NR3C2: variants seen among roughly 807,000 people sequenced by gnomAD.
NR3C2 encodes nuclear receptor subfamily 3 group C member 2.
In NR3C2, 15 loss-of-function variants were observed where a neutral mutation model predicts 86.4. The ratio of observed to expected loss-of-function variants is 0.17; its 90% CI spans 0.12 to 0.27. The LOEUF is 0.27. Among genes scored for constraint, NR3C2 ranks in the 10% least tolerant of loss-of-function variants. NR3C2 has a pLI of 1.00. For synonymous variants in NR3C2, 458 were observed against 450.5 expected (o/e 1.02, Z -0.21); for missense variants, 960 against 1,195.6 (o/e 0.80, Z 2.91).
intron 2 of NR3C2, among the ~76,000 whole-genome samples, chr4:148,343,214 T>C (rs1380043872): frequency 6.6e-6 from 1 of 152,202 alleles, no homozygotes; most frequent in Non-Finnish European, 1.5e-5. Context: ...CAAAAACTGA[T>C]GGCCTCATGA....
intron 2 of NR3C2, among the ~76,000 whole-genome samples, chr4:148,313,924 C>CCT (rs1743032319): frequency 3.9e-5 from 6 of 152,148 alleles, no homozygotes; most frequent in Admixed American, 3.9e-4. Context: ...GTTAATATAA[C>CCT]CTATGCATTA....
intron 2 of NR3C2, among the ~76,000 whole-genome samples, chr4:148,286,171 T>C (rs777321389): frequency 1.1e-4 from 17 of 152,322 alleles, no homozygotes; most frequent in Admixed American, 2.0e-4. Context: ...TATAAACTTC[T>C]CTGGCAGTTA....
intron 3 of NR3C2, chr4:148,208,453 G>A (rs1363738533): frequency 6.6e-6 from 1 of 152,220 alleles, no homozygotes; most frequent in Non-Finnish European, 1.5e-5. Flanking sequence ...AATAGGTTTT[G>A]TGCCTCATTC....
chr4:148,259,151 C>T (rs1014165914), intron 3 of NR3C2, among the ~76,000 whole-genome samples: 5 of 152,180 alleles, frequency 3.3e-5, no homozygotes, highest in African/African-American at 1.2e-4. Context: ...AAGAAAACTT[C>T]TCTGAGAAAT....
intron 2 of NR3C2, among the ~76,000 whole-genome samples, chr4:148,424,156 G>A (rs1048080361): frequency 2.0e-5 from 3 of 152,204 alleles, no homozygotes; most frequent in African/African-American, 7.2e-5. Context: ...AGGCATGAAA[G>A]GGAGGCATAT....
In NR3C2 at chr4:148,092,192, G is replaced by T. The variant is rs188210463; in HGVS notation, c.2800-10693C>A. Among the ~76,000 whole-genome samples the T allele has an allele frequency of 5.9e-4, 90 of 152,272 alleles. No homozygotes were observed. The East Asian group carries it at 0.017, about 28-fold the overall frequency. On this transcript the variant is annotated intron_variant, in intron 8 of 8. Coordinates refer to ENST00000358102, the MANE Select transcript of NR3C2 (RefSeq NM_000901.5). ...CACCTCTTCCCCGCAGGCCTTCCTG[G>T]GGCCCAGCCTGAAGGAGTTCTTTCT...
intron 8 of NR3C2, among the ~76,000 whole-genome samples, chr4:148,094,726 A>C (rs7668604): frequency 0.27 from 41,384 of 150,558 alleles, 7,874 homozygotes; most frequent in African/African-American, 0.55. Flanking sequence ...AAAAAAAAAA[A>C]CAAAAAAAAC....
intron 6 of NR3C2, among the ~76,000 whole-genome samples, chr4:148,141,642 C>T (rs1336976649): frequency 6.6e-6 from 1 of 152,170 alleles, no homozygotes; most frequent in East Asian, 1.9e-4. Flanking sequence ...GACTGTATTA[C>T]AGTCCATGGC....
Position 148,101,685 on chromosome 4 carries a change from A to T in NR3C2, c.2799+12419T>A, listed in dbSNP as rs371303737. ...CTGGAATAGAGTTTCGGGATTATTTACAAAGATAGGCTTGTTAAGCTGATG... is the reference window on the plus strand; with the variant it reads ...CTGGAATAGAGTTTCGGGATTATTTTCAAAGATAGGCTTGTTAAGCTGATG... On this transcript the variant is annotated intron_variant, in intron 8 of 8. Transcript: ENST00000358102. Among the ~76,000 whole-genome samples the T allele has an allele frequency of 1.5e-3, 226 of 152,372 alleles. 8 individuals are homozygous for T. In the South Asian group the frequency reaches 0.045, roughly 30 times the overall value.
intron 3 of NR3C2, among the ~76,000 whole-genome samples, chr4:148,242,600 C>T (rs11945778): frequency 0.38 from 57,701 of 151,992 alleles, 11,260 homozygotes; most frequent in Admixed American, 0.49. Flanking sequence ...TCATATAATT[C>T]CCTGCTATGC....
intron 2 of NR3C2, among the ~76,000 whole-genome samples, chr4:148,350,027 T>C (rs1745194327): frequency 6.6e-6 from 1 of 152,232 alleles, no homozygotes; most frequent in African/African-American, 2.4e-5. Context: ...TGAAAGTACC[T>C]TATTATAAAT....
At chr4:148,306,620 C>T (rs908699866) in intron 2 of NR3C2, among the ~76,000 whole-genome samples, 1 of 152,116 alleles carries the variant, frequency 6.6e-6, no homozygotes, top group Non-Finnish European at 1.5e-5. Context: ...ACTCATTCTT[C>T]AATAATGTTT....
intron 6 of NR3C2, among the ~76,000 whole-genome samples, chr4:148,133,388 T>A (rs891922026): frequency 7.9e-5 from 12 of 152,150 alleles, no homozygotes; most frequent in African/African-American, 2.7e-4. Context: ...ATTTTGGGTA[T>A]AAACGTAAAG....
At chr4:148,420,372 G>C (rs980270025) in intron 2 of NR3C2, among the ~76,000 whole-genome samples, 1 of 152,052 alleles carries the variant, frequency 6.6e-6, no homozygotes, top group Non-Finnish European at 1.5e-5. Context: ...AATATGAGAC[G>C]GGTCCTTGTG....
At chr4:148,166,939 T>C (rs1051152386) in intron 4 of NR3C2, among the ~76,000 whole-genome samples, 3 of 152,126 alleles carry the variant, frequency 2.0e-5, no homozygotes, top group Admixed American at 2.0e-4. Context: ...CACATTTAAA[T>C]TGCTATTAAT....
At position 148,079,523 on chromosome 4, in the gene NR3C2, TA is replaced by T. The variant is rs1456899073; in HGVS notation, c.*1820del. On this transcript the variant is annotated 3_prime_UTR_variant, in exon 9 of 9. Transcript: ENST00000358102. ...AAATAATTAATATGATTTCACTGAG[TA>T]AACCTGATGATTATCATCATTTTTA... 1 of 152,660 alleles carries T rather than the reference TA, an allele frequency of 6.6e-6. No individual in the cohort carries two copies. Among genetic ancestry groups the T allele is most frequent in the East Asian group, 1.9e-4 (1 of 5,202 alleles). The allele number at this position is 152,660 out of a possible 1,614,324, so 9.5% of individuals were successfully genotyped here.
intron 4 of NR3C2, among the ~76,000 whole-genome samples, chr4:148,193,001 C>T (rs1484079768): frequency 6.6e-6 from 1 of 152,226 alleles, no homozygotes; most frequent in Non-Finnish European, 1.5e-5. Context: ...AAGGAGGCTT[C>T]TCACCCTGTT....
chr4:148,227,526 T>C (rs768694491), intron 3 of NR3C2, among the ~76,000 whole-genome samples: 3 of 152,204 alleles, frequency 2.0e-5, no homozygotes, highest in Non-Finnish European at 2.9e-5. Flanking sequence ...CTTCTTATAT[T>C]TTCACCTACT....
At chr4:148,093,741 C>T (rs1532890) in intron 8 of NR3C2, among the ~76,000 whole-genome samples, 35,046 of 151,930 alleles carry the variant, frequency 0.23, 4,916 homozygotes, top group African/African-American at 0.39. Flanking sequence ...GGAAAATGAC[C>T]TGCAGTGATT....
Sources: gnomAD v4.1 joint callset for allele counts (sites outside exome capture counted in the v4.1 genomes callset) on GRCh38, gnomAD v4.1.1 for gene constraint, MANE v1.5 for transcripts, NCBI Gene and HGNC (gene_info 2026-07-23, HGNC 2026-07-21) for gene names.